Variants in GTF3C1 observed in about 807,000 individuals in gnomAD.
GTF3C1 encodes general transcription factor IIIC subunit 1, also known as general transcription factor 3C polypeptide 1.
In GTF3C1, 57 loss-of-function variants were observed where a neutral mutation model predicts 226.7. The observed-to-expected ratio is 0.25, with a 90% CI of 0.20 to 0.31. The LOEUF (loss-of-function observed/expected upper bound fraction) is 0.31. Among genes scored for constraint, GTF3C1 ranks in the 10% least tolerant of loss-of-function variants. The probability of loss-of-function intolerance (pLI) is 1.00; values close to 1 mark genes in which losing one functional copy is unlikely to be tolerated. For synonymous variants in GTF3C1, 1,090 were observed against 1,084.8 expected, an observed-to-expected ratio of 1.00 and a Z score of -0.09; for missense variants, 2,217 against 2,776.1, an observed-to-expected ratio of 0.80 and a Z score of 4.53.
At position 27,536,731 on chromosome 16, in the gene GTF3C1, C is replaced by T. The variant is rs551837643; in HGVS notation, c.752+1053G>A. Among the ~76,000 whole-genome samples, 3 of 149,520 alleles carry T rather than the reference C, an allele frequency of 2.0e-5. No homozygotes were observed. In the South Asian group the frequency reaches 6.2e-4, roughly 31 times the overall value. ...TATCCCTCATTGCTGCCTACCTCCA[C>T]CCCAGAGAGCTGCTGGCCAGGTACT... On this transcript the variant is annotated intron_variant, in intron 4 of 36. Coordinates refer to ENST00000356183, the MANE Select transcript of GTF3C1 (RefSeq NM_001520.4).
intron 4 of GTF3C1, among the ~76,000 whole-genome samples, chr16:27,537,015 G>A (rs558988792): frequency 6.6e-6 from 1 of 152,294 alleles, no homozygotes; most frequent in Non-Finnish European, 1.5e-5. Context: ...AAGAGAATGT[G>A]CACATTTTAC....
intron 10 of GTF3C1, among the ~76,000 whole-genome samples, chr16:27,504,129 C>T (rs1300937077): frequency 1.2e-4 from 19 of 152,216 alleles, no homozygotes; most frequent in Admixed American, 1.2e-3. Context: ...AGGCAACATG[C>T]TCTGCCAAGA....
chr16:27,511,259 T>A (rs1041439695), intron 7 of GTF3C1, among the ~76,000 whole-genome samples: 1 of 152,158 alleles, frequency 6.6e-6, no homozygotes, highest in African/African-American at 2.4e-5. Context: ...CTCTCTCTCT[T>A]CTGGAGCTGC....
intron 2 of GTF3C1, among the ~76,000 whole-genome samples, chr16:27,541,697 C>T: frequency 6.6e-6 from 1 of 152,136 alleles, no homozygotes; most frequent in East Asian, 1.9e-4. Flanking sequence ...GAAGGAACAG[C>T]ACGAGGATTG....
chr16:27,500,132 G>A (rs1264376042), intron 12 of GTF3C1, among the ~76,000 whole-genome samples: 1 of 152,104 alleles, frequency 6.6e-6, no homozygotes, highest in Non-Finnish European at 1.5e-5. Flanking sequence ...ACTGGAGGGT[G>A]GGGGGTTCCT....
intron 10 of GTF3C1, among the ~76,000 whole-genome samples, chr16:27,504,935 A>G (rs2088461136): frequency 6.6e-6 from 1 of 152,108 alleles, no homozygotes; most frequent in South Asian, 2.1e-4. Context: ...TTTCTCAAAA[A>G]AATTAATTAA....
intron 32 of GTF3C1, chr16:27,465,763 G>A (rs760811203): frequency 2.1e-5 from 12 of 571,300 alleles, no homozygotes; most frequent in Non-Finnish European, 3.4e-5. Context: ...CACAACAGCT[G>A]ACTGGATTTC....
rs149655959 is a variant in GTF3C1 at position 27,489,775 on chromosome 16, C to T, written c.3152-32G>A. On this transcript the variant is annotated intron_variant, in intron 19 of 36. Coordinates refer to ENST00000356183, the MANE Select transcript of GTF3C1 (RefSeq NM_001520.4). ...AACCAAACATCAGGGTGACCAATCA[C>T]GCCTTCCTGCTGCAGCTCTGGTGGC... The T allele has an allele frequency of 7.6e-3, 12,217 of 1,598,600 alleles. 60 individuals carry two copies. The highest frequency in any genetic ancestry group is 9.4e-3 in the Non-Finnish European group (10,970 of 1,172,932).
Position 27,465,362 on chromosome 16 carries a change from G to A in GTF3C1, c.5253C>T (p.Ala1751=). ...AALEILEAII[A]TGCFGIDKEE... is the part of the protein sequence containing the mutation. The stretch of plus-strand genomic sequence containing the variant: ...CCTTGTCAATCCCAAAACAACCCGT[G>A]GCTATAATGGCTTCCAAGATCTCCA... Residue 1751 remains alanine, a synonymous_variant, in exon 33 of 37, where the codon GCC becomes GCT. Transcript: ENST00000356183. 1 of 1,614,080 alleles carries A rather than the reference G, an allele frequency of 6.2e-7. No individual in the cohort carries two copies. Among genetic ancestry groups the A allele is most frequent in the Non-Finnish European group, 8.5e-7 (1 of 1,179,962 alleles).
chr16:27,494,936 G>A lies in GTF3C1; in HGVS notation c.2633-28C>T, dbSNP rs182315281. 2.6e-5 allele frequency: 41 copies of A among 1,603,764 alleles called. No individual in the cohort carries two copies. The African/African-American group carries it at 4.5e-4, about 18-fold the overall frequency. ...AGGAAAAAAACGCACGGTTACCCCC[G>A]GCAGCCAGGATACCAGTCACCATGG... On this transcript the variant is annotated intron_variant, in intron 15 of 36. Transcript: ENST00000356183.
At chr16:27,537,392 C>T (rs2089017424) in intron 4 of GTF3C1, among the ~76,000 whole-genome samples, 2 of 152,084 alleles carry the variant, frequency 1.3e-5, no homozygotes, top group Non-Finnish European at 2.9e-5. Flanking sequence ...AAGCTATAGT[C>T]ATATTCTAAT....
At chr16:27,527,073 AG>A (rs2088844229) in intron 6 of GTF3C1, among the ~76,000 whole-genome samples, 1 of 152,210 alleles carries the variant, frequency 6.6e-6, no homozygotes. Context: ...CCAGCATGGT[AG>A]GGTTTGCCTG....
Position 27,511,764 on chromosome 16 carries a change from GT to G in GTF3C1, c.1110del (p.Gln371ArgfsTer23). The G allele has an allele frequency of 6.2e-7, 1 of 1,614,220 alleles. No individual in the cohort carries two copies. Among genetic ancestry groups the G allele is most frequent in the Non-Finnish European group, 8.5e-7 (1 of 1,180,036 alleles). On this transcript the variant is annotated frameshift_variant, in exon 7 of 37. Coordinates refer to ENST00000356183, the MANE Select transcript of GTF3C1 (RefSeq NM_001520.4). LOFTEE classifies it high-confidence loss of function. Reference protein sequence around the residue: ...VDIVFERDMLTQTYDLIERRG... With the variant: ...VDIVFERDMLXQTYDLIERRG... ...CAAGACTTACTGAGGTCGTAGGTCT[GT>G]GTGAGCATATCCCGCTCGAACACAA... is the stretch of plus-strand genomic sequence containing the variant.
intron 2 of GTF3C1, among the ~76,000 whole-genome samples, chr16:27,542,154 T>A (rs1403177376): frequency 6.6e-6 from 1 of 152,230 alleles, no homozygotes; most frequent in Non-Finnish European, 1.5e-5. Context: ...GTCCCACGTT[T>A]ATGGCTTGTA....
Position 27,465,412 on chromosome 16 carries a change from T to C in GTF3C1, c.5203A>G (p.Ser1735Gly), listed in dbSNP as rs1399472485. ...FVLQLELSGY[S>G]PEDLTAALEI... is the part of the protein sequence containing the mutation. ...AAGGCAGCAGTCAGGTCTTCGGGAC[T>C]ATACCCAGACAGCTCCAGCTGGAGG... Residue 1735 changes from serine to glycine, a missense_variant, in exon 33 of 37, where the codon AGT (serine) becomes GGT (glycine). This residue lies in a region of GTF3C1 where 455 missense variants were observed against 441.9 expected (regional missense o/e 1.03). Coordinates refer to ENST00000356183, the MANE Select transcript of GTF3C1 (RefSeq NM_001520.4). 6.2e-7 allele frequency: 1 copy of C among 1,614,126 alleles called. No individual in the cohort carries two copies. The highest frequency in any genetic ancestry group is 8.5e-7 in the Non-Finnish European group (1 of 1,180,012).
At chr16:27,490,950 A>G (rs968601740) in intron 19 of GTF3C1, among the ~76,000 whole-genome samples, 44 of 152,168 alleles carry the variant, frequency 2.9e-4, no homozygotes, top group African/African-American at 1.1e-3. Flanking sequence ...AAATTCACCA[A>G]TTGTCAGGCC....
At position 27,470,085 on chromosome 16, in the gene GTF3C1, T is replaced by A. The variant is rs747488043; in HGVS notation, c.4814+23A>T. ...ATGCCTAGCACGTGGCCAGACCTGA[T>A]GCTGCGGATGCCGGACTCTTACCTT... On this transcript the variant is annotated intron_variant, in intron 31 of 36. Coordinates refer to ENST00000356183, the MANE Select transcript of GTF3C1 (RefSeq NM_001520.4). The surrounding 1 kb of genome is among the most constrained non-coding windows in gnomAD (Gnocchi z 4.9). 2 of 1,601,114 alleles carry A rather than the reference T, an allele frequency of 1.2e-6. No individual in the cohort carries two copies. The highest frequency in any genetic ancestry group is 3.4e-5 in the Admixed American group (2 of 59,390).
At chr16:27,482,987 A>G (rs1046836604) in intron 26 of GTF3C1, 57 bp downstream of exon 26, 34 of 1,435,614 alleles carry the variant, frequency 2.4e-5, no homozygotes, top group African/African-American at 5.6e-5. Flanking sequence ...AGCTGACTGA[A>G]GTCTAGCTGC....
At position 27,483,131 on chromosome 16, in the gene GTF3C1, G is replaced by T. The variant is rs1310429239; in HGVS notation, c.4002-6C>A. ...ACACCTCGGCCAGGCACACTCTGCAGGAAGAGGAGACAAAGCTGAAGTCTG... is the reference window on the plus strand; with the variant it reads ...ACACCTCGGCCAGGCACACTCTGCATGAAGAGGAGACAAAGCTGAAGTCTG... On this transcript the variant is annotated splice_region_variant and splice_polypyrimidine_tract_variant and intron_variant, in intron 25 of 36. Coordinates refer to ENST00000356183, the MANE Select transcript of GTF3C1 (RefSeq NM_001520.4). The T allele has an allele frequency of 1.2e-6, 2 of 1,613,904 alleles. No homozygotes were observed. Among genetic ancestry groups the T allele is most frequent in the East Asian group, 4.5e-5 (2 of 44,890 alleles).
Sources: gnomAD v4.1 joint callset for allele counts (sites outside exome capture counted in the v4.1 genomes callset) on GRCh38, gnomAD v4.1.1 for gene constraint, gnomAD v4.1.1 regional missense constraint, Gnocchi (gnomAD v3.1) non-coding constraint, MANE v1.5 for transcripts, NCBI Gene and HGNC (gene_info 2026-07-23, HGNC 2026-07-21) for gene names.